NBPF14: variants seen among roughly 807,000 people sequenced by gnomAD.
NBPF14 encodes NBPF member 14.
A neutral mutation model predicts 91.2 loss-of-function variants in NBPF14; 104 were observed. The observed-to-expected ratio is 1.14, with a 90% confidence interval of 0.97 to 1.34. The LOEUF (loss-of-function observed/expected upper bound fraction) is 1.34, where lower values mean the gene tolerates loss of function less well. Among genes scored for constraint, NBPF14 ranks in the 40% most tolerant of loss-of-function variants. The probability of loss-of-function intolerance (pLI) is 0.00; values close to 1 mark genes in which losing one functional copy is unlikely to be tolerated. For synonymous variants in NBPF14, 294 were observed against 303.8 expected (o/e 0.97, Z 0.34); for missense variants, 908 against 783.0 (o/e 1.16, Z -1.91).
At chr1:148,576,763 A>G (rs1659842527) in intron 15 of NBPF14, among the ~76,000 whole-genome samples, 1 of 147,990 alleles carries the variant, frequency 6.8e-6, no homozygotes, top group Non-Finnish European at 1.5e-5. Context: ...TTGCCCCCAA[A>G]TGGTTGCTAG....
At chr1:148,587,264 A>G in intron 8 of NBPF14, 37 bp downstream of exon 8, 1 of 1,510,280 alleles carries the variant, frequency 6.6e-7, no homozygotes, top group Non-Finnish European at 9.1e-7. Flanking sequence ...AGATTTACAC[A>G]CCTGCCCCCC....
At chr1:148,577,113 T>C (rs1659980957) in intron 15 of NBPF14, 70 bp downstream of exon 15, 1 of 614,102 alleles carries the variant, frequency 1.6e-6, no homozygotes, top group African/African-American at 1.9e-5. Flanking sequence ...TAAGGGCCAC[T>C]TGCAGTAGGA....
At chr1:148,577,876 T>A (rs1660226214) in intron 14 of NBPF14, 107 bp downstream of exon 14, 10 of 599,452 alleles carry the variant, frequency 1.7e-5, no homozygotes, top group South Asian at 1.4e-4. Flanking sequence ...TAATTCAGAC[T>A]TGTCTGACAA....
chr1:148,559,969 G>C lies in NBPF14; in HGVS notation c.4557-4C>G, dbSNP rs1490991441. On this transcript the variant is annotated splice_region_variant and splice_polypyrimidine_tract_variant and intron_variant, in intron 36 of 70. Transcript: ENST00000619423. Reference sequence around the variant, plus strand: ...ATGCAGCAGCTCCCTGCTGAGCCTGGAAAAGTGGAAAAAAGTAAAGAATAA... The same window carrying C: ...ATGCAGCAGCTCCCTGCTGAGCCTGCAAAAGTGGAAAAAAGTAAAGAATAA... The C allele has an allele frequency of 3.0e-5, 40 of 1,322,600 alleles. 4 individuals are homozygous for C. The East Asian group carries it at 7.8e-4, about 26-fold the overall frequency. 81.9% of individuals were successfully genotyped at this position (1,322,600 alleles called of 1,614,324 possible). A position where few individuals can be genotyped will look rare whatever the true frequency, so the allele number is the denominator to read the frequency against.
intron 70 of NBPF14, among the ~76,000 whole-genome samples, chr1:148,533,542 T>C (rs1654164724): frequency 6.7e-6 from 1 of 150,208 alleles, no homozygotes; most frequent in South Asian, 2.1e-4. Context: ...TCTGAGTTAG[T>C]GCCCTCATGA....
intron 11 of NBPF14, among the ~76,000 whole-genome samples, chr1:148,583,695 C>A (rs1361222641): frequency 3.3e-5 from 1 of 30,312 alleles, no homozygotes; most frequent in Non-Finnish European, 4.9e-5. Flanking sequence ...ATGGGGAAAC[C>A]CTGTCTCTAC....
At position 148,533,909 on chromosome 1, in the gene NBPF14, C is replaced by A. The variant is rs1654315716; in HGVS notation, c.8675G>T (p.Arg2892Ile). The A allele has an allele frequency of 8.0e-6, 6 of 751,960 alleles. No homozygotes were observed. The South Asian group carries it at 8.2e-5, about 10-fold the overall frequency. 46.6% of individuals were successfully genotyped at this position (751,960 alleles called of 1,614,324 possible). The stretch of plus-strand genomic sequence containing the variant: ...TTCTTCCCCTTCTTTTCTTCCCCTT[C>A]TTCTTTCCTTCTTTGATCTTCTTCC... The change falls in exon 70 of 71, where the codon AGA becomes ATA. Residue 2892 changes from arginine (R) to isoleucine (I), a missense_variant. Arg to Ile is a moderately conservative substitution (Grantham distance 97, BLOSUM62 -3). Transcript: ENST00000619423.
rs1295686491 is a variant in NBPF14, at chr1:148,534,445, G to C, written c.8614+239C>G. 1.4e-3 allele frequency among the ~76,000 whole-genome samples: 212 copies of C among 151,842 alleles called. 1 individual carries two copies. The highest frequency in any genetic ancestry group is 4.7e-3 in the African/African-American group (195 of 41,314). On this transcript the variant is annotated intron_variant, in intron 69 of 70. Coordinates refer to ENST00000619423, the Ensembl canonical transcript of NBPF14. ...CATCTGCCCAGGTCCAATGTCATGA[G>C]AATAGGATCAGGGCGCCACAGGTAT...
At chr1:148,534,154 A>C (rs1654420415) in intron 69 of NBPF14, among the ~76,000 whole-genome samples, 185 bp from the exon 70 acceptor site, 1 of 147,628 alleles carries the variant, frequency 6.8e-6, no homozygotes, top group African/African-American at 2.5e-5. Flanking sequence ...TTCTCCCAGA[A>C]ACTGTGGGTA....
chr1:148,580,909 C>A (rs1211715224), intron 12 of NBPF14, among the ~76,000 whole-genome samples: 1 of 103,676 alleles, frequency 9.6e-6, no homozygotes, highest in Non-Finnish European at 2.0e-5. Flanking sequence ...GCACAACGTG[C>A]AGGTTAGTTA....
intron 28 of NBPF14, among the ~76,000 whole-genome samples, 183 bp from the exon 29 acceptor site, chr1:148,566,498 GAGA>G (rs1658348807): frequency 5.8e-5 from 7 of 121,534 alleles, no homozygotes; most frequent in African/African-American, 2.3e-4. Context: ...AAGAATGAAA[GAGA>G]AAGACAGACA....
At chr1:148,585,385 G>A (rs1661343724) in intron 9 of NBPF14, among the ~76,000 whole-genome samples, 172 bp from the exon 10 acceptor site, 2 of 151,938 alleles carry the variant, frequency 1.3e-5, no homozygotes, top group East Asian at 1.9e-4. Context: ...GATCCATCAG[G>A]CAATGCATTT....
intron 16 of NBPF14, among the ~76,000 whole-genome samples, 159 bp from the exon 17 acceptor site, chr1:148,575,970 G>A (rs1174272171): frequency 7.2e-6 from 1 of 138,552 alleles, no homozygotes; most frequent in Non-Finnish European, 1.6e-5. Context: ...GGATAGACCA[G>A]GGCCAGGTAG....
chr1:148,575,777 C>T (rs1659581449), exon 17 of NBPF14: 1 of 300,464 alleles, frequency 3.3e-6, no homozygotes, highest in African/African-American at 9.8e-5. Flanking sequence ...TGCAAGACTT[C>T]AGGCTCTTTC....
intron 8 of NBPF14, 138 bp downstream of exon 8, chr1:148,587,163 T>G: frequency 2.8e-6 from 2 of 705,490 alleles, no homozygotes; most frequent in Non-Finnish European, 5.0e-6. Flanking sequence ...CTGATAAATA[T>G]TTGTGTGTAG....
chr1:148,576,337 C>G (rs1396440535), intron 16 of NBPF14, 73 bp downstream of exon 16: 1 of 433,510 alleles, frequency 2.3e-6, no homozygotes, highest in African/African-American at 3.9e-5. Context: ...ATTGAACACA[C>G]TCTTGTTTTC....
exon 71 of NBPF14, chr1:148,532,877 AAT>A (rs1306525504): frequency 6.7e-7 from 1 of 1,498,090 alleles, no homozygotes; most frequent in Non-Finnish European, 8.9e-7. Flanking sequence ...TGAGAATAGG[AAT>A]AGAGCCATGC....
At chr1:148,534,328 T>A (rs1335272042) in intron 69 of NBPF14, among the ~76,000 whole-genome samples, 5 of 151,798 alleles carry the variant, frequency 3.3e-5, no homozygotes, top group Admixed American at 6.6e-5. Flanking sequence ...CTCAGATTGT[T>A]CATGGTAGTG....
chr1:148,533,855 A>G lies in NBPF14; in HGVS notation c.8723+6T>C. The G allele has an allele frequency of 9.1e-6, 7 of 765,034 alleles. No homozygotes were observed. Among genetic ancestry groups the G allele is most frequent in the Non-Finnish European group, 1.4e-5 (6 of 418,136 alleles). The allele number at this position is 765,034 out of a possible 1,614,324, so 47.4% of individuals were successfully genotyped here. On this transcript the variant is annotated splice_donor_region_variant and intron_variant, in intron 70 of 70. Transcript: ENST00000619423. Reference sequence around the variant, plus strand: ...GAACTAAGGATCCACAATTGCTGAAAGTCACCTGGGGCATGGTGGGTTTTG... The same window carrying G: ...GAACTAAGGATCCACAATTGCTGAAGGTCACCTGGGGCATGGTGGGTTTTG...
Sources: allele counts gnomAD v4.1 joint callset (sites outside exome capture counted in the v4.1 genomes callset), GRCh38; gene constraint gnomAD v4.1.1; transcripts MANE v1.5; gene names NCBI Gene and HGNC (gene_info 2026-07-23, HGNC 2026-07-21).